Variants in AK8 observed in about 807,000 individuals in gnomAD.
The protein encoded by AK8 is adenylate kinase 8.
A neutral mutation model predicts 54.6 loss-of-function variants in AK8; 44 were observed. That is an observed-to-expected ratio of 0.81 (90% CI 0.63 to 1.04). The LOEUF (loss-of-function observed/expected upper bound fraction) is 1.04, where lower values mean the gene tolerates loss of function less well. AK8 is among the 50% of genes least tolerant of loss of function. The pLI, the probability that AK8 is intolerant of heterozygous loss-of-function variation, is 0.00. For synonymous variants in AK8, 239 were observed against 245.6 expected, an observed-to-expected ratio of 0.97 and a Z score of 0.25; for missense variants, 555 against 613.6, an observed-to-expected ratio of 0.90 and a Z score of 1.01.
At position 132,814,531 on chromosome 9, in the gene AK8, G is replaced by A. The variant is rs148733296; in HGVS notation, c.979+107C>T. ...CAAGAAAACCCAATTTCCATTTCCC[G>A]GCTGTTCTCCCCAATTTTGAGCCCC... is the stretch of plus-strand genomic sequence containing the variant. On this transcript the variant is annotated intron_variant, in intron 10 of 12. Coordinates refer to ENST00000298545, the MANE Select transcript of AK8 (RefSeq NM_152572.3). 7.4e-5 allele frequency: 82 copies of A among 1,110,640 alleles called. No homozygotes were observed. In the Middle Eastern group the frequency reaches 9.7e-4, roughly 13 times the overall value. 68.8% of individuals were successfully genotyped at this position (1,110,640 alleles called of 1,614,324 possible). A position where few individuals can be genotyped will look rare whatever the true frequency, so the allele number is the denominator to read the frequency against.
Position 132,767,235 on chromosome 9 carries a change from G to C in AK8, c.1121+25399C>G, listed in dbSNP as rs1191936429. 3.3e-5 allele frequency among the ~76,000 whole-genome samples: 5 copies of C among 152,288 alleles called. No homozygotes were observed. The East Asian group carries it at 5.8e-4, about 18-fold the overall frequency. On this transcript the variant is annotated intron_variant, in intron 11 of 12. Coordinates refer to ENST00000298545, the MANE Select transcript of AK8 (RefSeq NM_152572.3). ...TATTTGTAAACTATCCATCCAGACA[G>C]AGATTAGCAGTCAGAATACACAGGA...
chr9:132,822,935 T>A (rs1362588978), intron 9 of AK8, among the ~76,000 whole-genome samples: 1 of 151,994 alleles, frequency 6.6e-6, no homozygotes, highest in Non-Finnish European at 1.5e-5. Context: ...CCAAAGGATA[T>A]AAAAAACGAT....
intron 10 of AK8, among the ~76,000 whole-genome samples, chr9:132,804,236 G>C (rs142151694): frequency 7.2e-5 from 11 of 152,222 alleles, no homozygotes; most frequent in African/African-American, 2.2e-4. Context: ...CCACACCACA[G>C]GGACCCAGGT....
chr9:132,733,122 C>A (rs755907038), intron 11 of AK8, among the ~76,000 whole-genome samples: 1 of 152,076 alleles, frequency 6.6e-6, no homozygotes, highest in South Asian at 2.1e-4. Flanking sequence ...CAGCCTGGAG[C>A]GGCTGGGAGC....
chr9:132,747,683 G>A (rs1837718973), intron 11 of AK8, among the ~76,000 whole-genome samples: 1 of 150,792 alleles, frequency 6.6e-6, no homozygotes, highest in East Asian at 1.9e-4. Context: ...TGTCTGCCTC[G>A]GCCTCCCAAA....
intron 5 of AK8, among the ~76,000 whole-genome samples, chr9:132,847,753 T>G (rs149396812): frequency 2.5e-4 from 38 of 152,178 alleles, no homozygotes; most frequent in Middle Eastern, 3.4e-3. Context: ...GGCCAAGACA[T>G]GTGGATCACT....
In AK8 at chr9:132,727,439, G is replaced by A. The variant is rs773893315; in HGVS notation, c.1202+15C>T. ...CAGTCCCCAGACTGCCAACCACCAG[G>A]AACACAGCACAAACCTTTCCCCAGT... On this transcript the variant is annotated intron_variant, in intron 12 of 12. Transcript: ENST00000298545. 2 of 1,613,754 alleles carry A rather than the reference G, an allele frequency of 1.2e-6. No individual in the cohort carries two copies. Among genetic ancestry groups the A allele is most frequent in the Non-Finnish European group, 1.7e-6 (2 of 1,179,714 alleles).
chr9:132,818,290 T>C (rs1841421007), intron 9 of AK8, among the ~76,000 whole-genome samples: 1 of 152,236 alleles, frequency 6.6e-6, no homozygotes, highest in Non-Finnish European at 1.5e-5. Context: ...AGAGTACTGA[T>C]AGGTGGGTAC....
At chr9:132,757,773 T>G (rs1478725676) in intron 11 of AK8, among the ~76,000 whole-genome samples, 1 of 152,048 alleles carries the variant, frequency 6.6e-6, no homozygotes, top group Non-Finnish European at 1.5e-5. Context: ...TATCTGTCTA[T>G]CAAAATAGAA....
chr9:132,837,533 G>A lies in AK8; in HGVS notation c.403-8807C>T, dbSNP rs544479007. Among the ~76,000 whole-genome samples, 81 of 152,002 alleles carry A rather than the reference G, an allele frequency of 5.3e-4. No homozygotes were observed. Among genetic ancestry groups the A allele is most frequent in the Non-Finnish European group, 9.9e-4 (67 of 68,008 alleles). On this transcript the variant is annotated intron_variant, in intron 5 of 12. Coordinates refer to ENST00000298545, the MANE Select transcript of AK8 (RefSeq NM_152572.3). This position sits in a 1 kb window ranked among gnomAD's most constrained non-coding sequence, Gnocchi z 4.3. ...CTCTCAATACTCTCTCCTGCTCCAA[G>A]GTCTGCTTGCGTCTGCTCAAACCTC...
rs181174875 is a variant in AK8 at position 132,748,967 on chromosome 9, C to T, written c.1122-21433G>A. On this transcript the variant is annotated intron_variant, in intron 11 of 12. Transcript: ENST00000298545. Reference sequence around the variant, plus strand: ...TCGGCTCACTGCAACCTCCGCCTCCCGGGTTCAAGCGATTCTCTTGCCTCA... The same window carrying T: ...TCGGCTCACTGCAACCTCCGCCTCCTGGGTTCAAGCGATTCTCTTGCCTCA... Among the ~76,000 whole-genome samples, 111 of 151,908 alleles carry T rather than the reference C, an allele frequency of 7.3e-4. 4 individuals carry two copies. The East Asian group carries it at 0.012, about 16-fold the overall frequency.
intron 5 of AK8, among the ~76,000 whole-genome samples, chr9:132,845,534 A>T (rs1842715376): frequency 6.6e-6 from 1 of 152,208 alleles, no homozygotes. Flanking sequence ...TCATGCCTGT[A>T]ATCCCAGCAC....
intron 11 of AK8, 131 bp downstream of exon 11, chr9:132,792,503 G>C: frequency 7.6e-7 from 1 of 1,310,072 alleles, no homozygotes; most frequent in South Asian, 1.7e-5. Context: ...GGTGGGAATG[G>C]GGATGACCAG....
At chr9:132,850,538 C>T (rs915540746) in intron 5 of AK8, among the ~76,000 whole-genome samples, 2 of 152,036 alleles carry the variant, frequency 1.3e-5, no homozygotes, top group African/African-American at 4.8e-5. Flanking sequence ...GCTGGGATTA[C>T]AGGCACCCAC....
At chr9:132,736,124 G>A (rs1393787579) in intron 11 of AK8, among the ~76,000 whole-genome samples, 3 of 151,570 alleles carry the variant, frequency 2.0e-5, no homozygotes, top group South Asian at 4.2e-4. Flanking sequence ...TGTGTGGTCT[G>A]TCATTGACCA....
chr9:132,748,693 G>A (rs1489861246), intron 11 of AK8, among the ~76,000 whole-genome samples: 1 of 151,828 alleles, frequency 6.6e-6, no homozygotes, highest in Non-Finnish European at 1.5e-5. Context: ...ATCTGCCCGT[G>A]GTACTTGGGG....
At position 132,785,855 on chromosome 9, in the gene AK8, T is replaced by C. The variant is rs534714237; in HGVS notation, c.1121+6779A>G. Among the ~76,000 whole-genome samples the C allele has an allele frequency of 3.3e-5, 5 of 152,260 alleles. No homozygotes were observed. In the East Asian group the frequency reaches 7.7e-4, roughly 24 times the overall value. On this transcript the variant is annotated intron_variant, in intron 11 of 12. Coordinates refer to ENST00000298545, the MANE Select transcript of AK8 (RefSeq NM_152572.3). ...TAGTTGAAAGTAAAACTTAGGAACA[T>C]GCAAATGTAACAAAGAAATCAGAGT...
At chr9:132,833,870 T>C (rs1049320022) in intron 5 of AK8, among the ~76,000 whole-genome samples, 2 of 152,272 alleles carry the variant, frequency 1.3e-5, no homozygotes, top group African/African-American at 4.8e-5. Flanking sequence ...AATTAGCAAC[T>C]TCACATGGGA....
At chr9:132,796,198 T>C (rs1054217876) in intron 10 of AK8, among the ~76,000 whole-genome samples, 3 of 152,232 alleles carry the variant, frequency 2.0e-5, no homozygotes, top group Non-Finnish European at 4.4e-5. Context: ...CCAACTGTTC[T>C]GCTGCCTCAT....
Sources: allele counts gnomAD v4.1 joint callset (sites outside exome capture counted in the v4.1 genomes callset), GRCh38; gene constraint gnomAD v4.1.1; non-coding constraint Gnocchi (gnomAD v3.1); transcripts MANE v1.5; gene names NCBI Gene and HGNC (gene_info 2026-07-23, HGNC 2026-07-21).